Variants in NEMP2 observed in about 807,000 individuals in gnomAD.
NEMP2 encodes UPF0571 transmembrane protein.
Under a neutral mutation model 54.2 loss-of-function variants are expected in NEMP2, and 53 were observed. That is an observed-to-expected ratio of 0.98 (90% CI 0.78 to 1.23). The LOEUF is 1.23. Ranked by LOEUF, NEMP2 falls within the 50% of genes most tolerant of loss-of-function variation. The pLI, the probability that NEMP2 is intolerant of heterozygous loss-of-function variation, is 0.00. For missense variants in NEMP2, 455 were observed against 511.3 expected (o/e 0.89, Z 1.06); for synonymous variants, 197 against 190.3 (o/e 1.04, Z -0.29).
At chr2:190,648,626 T>A in the NEMP2 span, among the ~76,000 whole-genome samples, 5 of 151,192 alleles carry the variant, frequency 3.3e-5, no homozygotes, top group Non-Finnish European at 7.4e-5. Context: ...TTTTTTTTTT[T>A]AATTGCAAAC....
the NEMP2 span, among the ~76,000 whole-genome samples, chr2:190,491,006 T>C: frequency 6.6e-6 from 1 of 152,202 alleles, no homozygotes; most frequent in African/African-American, 2.4e-5. This position sits in a 1 kb window ranked among gnomAD's most constrained non-coding sequence, Gnocchi z 4.2. Flanking sequence ...AAAAGACCAA[T>C]AAAAATAACT....
the NEMP2 span, among the ~76,000 whole-genome samples, chr2:190,461,966 T>C: frequency 2.0e-5 from 3 of 152,136 alleles, no homozygotes; most frequent in Non-Finnish European, 2.9e-5. This position sits in a 1 kb window ranked among gnomAD's most constrained non-coding sequence, Gnocchi z 5.5. Flanking sequence ...AGTACTTTTT[T>C]CCCTACCACT....
rs1460066192 is a variant in NEMP2, at chr2:190,521,664, G to T, written c.214-2481C>A. Among the ~76,000 whole-genome samples the T allele has an allele frequency of 6.6e-6, 1 of 152,062 alleles. No homozygotes were observed. Among genetic ancestry groups the T allele is most frequent in the Non-Finnish European group, 1.5e-5 (1 of 68,022 alleles). Reference sequence around the variant, plus strand: ...TCTCCCTTTAATCCACTTCAATCAGGATTTCATTCCTAAAAGGCCACCCTG... The same window carrying T: ...TCTCCCTTTAATCCACTTCAATCAGTATTTCATTCCTAAAAGGCCACCCTG... On this transcript the variant is annotated intron_variant, in intron 2 of 8. Transcript: ENST00000409150. This position sits in a 1 kb window ranked among gnomAD's most constrained non-coding sequence, Gnocchi z 6.2.
chr2:190,450,031 TA>T, the NEMP2 span, among the ~76,000 whole-genome samples: 134 of 151,490 alleles, frequency 8.8e-4, no homozygotes, highest in African/African-American at 2.6e-3. Flanking sequence ...AAAATAAAAT[TA>T]AAAAAAAGAA....
chr2:190,457,146 C>G, the NEMP2 span, among the ~76,000 whole-genome samples: 1 of 152,132 alleles, frequency 6.6e-6, no homozygotes, highest in Non-Finnish European at 1.5e-5. The surrounding 1 kb of genome is among the most constrained non-coding windows in gnomAD (Gnocchi z 5.1). Flanking sequence ...ATGTAGGGAG[C>G]TTGGAGTGTG....
At chr2:190,450,488 C>CTT in the NEMP2 span, among the ~76,000 whole-genome samples, 39,287 of 96,220 alleles carry the variant, frequency 0.41, 9,324 homozygotes, top group East Asian at 0.71. Flanking sequence ...TCTCTTTTTC[C>CTT]TTTTTTTTTT....
chr2:190,594,707 A>G, the NEMP2 span, among the ~76,000 whole-genome samples: 3 of 152,218 alleles, frequency 2.0e-5, no homozygotes, highest in African/African-American at 7.2e-5. This position sits in a 1 kb window ranked among gnomAD's most constrained non-coding sequence, Gnocchi z 5.6. Flanking sequence ...AGCTGGGACT[A>G]CAGGCGTGTG....
the NEMP2 span, among the ~76,000 whole-genome samples, chr2:190,423,502 G>T: frequency 2.0e-5 from 3 of 152,152 alleles, no homozygotes; most frequent in Non-Finnish European, 2.9e-5. The surrounding 1 kb of genome is among the most constrained non-coding windows in gnomAD (Gnocchi z 4.3). Flanking sequence ...CCATAGTAAA[G>T]CTGTAGTACA....
chr2:190,445,688 C>T, the NEMP2 span, among the ~76,000 whole-genome samples: 298 of 152,132 alleles, frequency 2.0e-3, 1 homozygote, highest in African/African-American at 6.8e-3. Flanking sequence ...AGGTCTTTTT[C>T]CTCTCCTGGT....
chr2:190,563,051 CTG>C, the NEMP2 span, among the ~76,000 whole-genome samples: 6 of 152,218 alleles, frequency 3.9e-5, no homozygotes, highest in Non-Finnish European at 8.8e-5. This position sits in a 1 kb window ranked among gnomAD's most constrained non-coding sequence, Gnocchi z 4.3. Context: ...AAATGACTAT[CTG>C]TATGATAGCA....
chr2:190,497,019 G>A, the NEMP2 span, among the ~76,000 whole-genome samples: 2 of 152,082 alleles, frequency 1.3e-5, no homozygotes, highest in South Asian at 2.1e-4. The surrounding 1 kb of genome is among the most constrained non-coding windows in gnomAD (Gnocchi z 5.2). Context: ...GAGAACTTAC[G>A]TAACCAAATA....
At chr2:190,546,698 T>G in the NEMP2 span, among the ~76,000 whole-genome samples, 1 of 152,178 alleles carries the variant, frequency 6.6e-6, no homozygotes, top group Non-Finnish European at 1.5e-5. This position sits in a 1 kb window ranked among gnomAD's most constrained non-coding sequence, Gnocchi z 5.1. Context: ...TTACTGTGAT[T>G]TATAGGTCCT....
Position 190,519,246 on chromosome 2 carries a change from G to C in NEMP2, c.214-63C>G. The C allele has an allele frequency of 1.7e-6, 2 of 1,171,346 alleles. No individual in the cohort carries two copies. The highest frequency in any genetic ancestry group is 2.4e-6 in the Non-Finnish European group (2 of 827,722). 72.6% of individuals were successfully genotyped at this position (1,171,346 alleles called of 1,614,324 possible). A position where few individuals can be genotyped will look rare whatever the true frequency, so the allele number is the denominator to read the frequency against. The stretch of plus-strand genomic sequence containing the variant: ...ACTTCTCTTTTTTGTTTTGGAGACA[G>C]GGTCTCCCTCTGTTGCCCAGAATGG... On this transcript the variant is annotated intron_variant, in intron 2 of 8. Transcript: ENST00000409150. This position sits in a 1 kb window ranked among gnomAD's most constrained non-coding sequence, Gnocchi z 5.4.
chr2:190,636,362 T>A, the NEMP2 span, among the ~76,000 whole-genome samples: 1 of 152,252 alleles, frequency 6.6e-6, no homozygotes, highest in East Asian at 1.9e-4. Context: ...CCTCTTTCTA[T>A]TTCCATCACT....
chr2:190,517,735 C>T, intron 4 of NEMP2, 122 bp from the exon 5 acceptor site: 2 of 715,092 alleles, frequency 2.8e-6, no homozygotes, highest in East Asian at 2.8e-5. Flanking sequence ...CAGATGGCAG[C>T]TCTCATTACA....
At chr2:190,628,596 G>A in the NEMP2 span, 1 of 152,244 alleles carries the variant, frequency 6.6e-6, no homozygotes, top group African/African-American at 2.4e-5. This position sits in a 1 kb window ranked among gnomAD's most constrained non-coding sequence, Gnocchi z 4.1. Context: ...GTTCGGAACT[G>A]GAACAGAAAT....
chr2:190,521,275 T>C lies in NEMP2; in HGVS notation c.214-2092A>G, dbSNP rs977215284. ...CACTGAAAATGGAAGAAATCAGAAG[T>C]GAATGTCCACCAGCTCCTATCTGCA... On this transcript the variant is annotated intron_variant, in intron 2 of 8. Transcript: ENST00000409150. This position sits in a 1 kb window ranked among gnomAD's most constrained non-coding sequence, Gnocchi z 6.2. 6.6e-6 allele frequency among the ~76,000 whole-genome samples: 1 copy of C among 152,156 alleles called. No homozygotes were observed. The highest frequency in any genetic ancestry group is 2.4e-5 in the African/African-American group (1 of 41,430).
At chr2:190,436,182 G>A in the NEMP2 span, 418 of 1,614,020 alleles carry the variant, frequency 2.6e-4, no homozygotes, top group Non-Finnish European at 3.4e-4. The surrounding 1 kb of genome is among the most constrained non-coding windows in gnomAD (Gnocchi z 5.3). Context: ...CTATTCCTGA[G>A]GAGGAAATAG....
the NEMP2 span, among the ~76,000 whole-genome samples, chr2:190,606,294 A>G: frequency 0.23 from 35,269 of 152,116 alleles, 5,214 homozygotes; most frequent in Non-Finnish European, 0.33. Flanking sequence ...TCACTTGTGT[A>G]CCAACTGAAA....
Sources: gnomAD v4.1 joint callset for allele counts (sites outside exome capture counted in the v4.1 genomes callset) on GRCh38, gnomAD v4.1.1 for gene constraint, Gnocchi (gnomAD v3.1) non-coding constraint, MANE v1.5 for transcripts, NCBI Gene and HGNC (gene_info 2026-07-23, HGNC 2026-07-21) for gene names.